The following ABCC3 variants were observed in gnomAD, a reference collection of about 807,000 sequenced individuals.
ABCC3 encodes the protein ATP-binding cassette sub-family C member 3.
A neutral mutation model predicts 165.3 loss-of-function variants in ABCC3; 121 were observed. The ratio of observed to expected loss-of-function variants is 0.73; its 90% CI spans 0.63 to 0.85. The LOEUF is 0.85. Ranked by LOEUF, ABCC3 falls within the 40% of genes least tolerant of loss-of-function variation. ABCC3 has a pLI of 0.00. For missense variants in ABCC3, 1,869 were observed against 1,964.1 expected (o/e 0.95, Z 0.92); for synonymous variants, 733 against 810.1 (o/e 0.90, Z 1.62).
chr17:50,687,892 C>T (rs1968052171), intron 30 of ABCC3, among the ~76,000 whole-genome samples, 162 bp downstream of exon 30: 1 of 152,014 alleles, frequency 6.6e-6, no homozygotes, highest in Non-Finnish European at 1.5e-5. Context: ...AAGGGGCAGA[C>T]CAGAGTGGGG....
In ABCC3 at chr17:50,691,454, C is replaced by G. The variant is rs1425518194; in HGVS notation, c.*254C>G. On this transcript the variant is annotated 3_prime_UTR_variant, in exon 31 of 31. Transcript: ENST00000285238. ...TAGTCCCCGGTCTCCCGATTCCCAA[C>G]TGAGTGTTATTTGCACACTGCACTG... 2.4e-6 allele frequency: 1 copy of G among 413,738 alleles called. No homozygotes were observed. Among genetic ancestry groups the G allele is most frequent in the African/African-American group, 2.0e-5 (1 of 50,176 alleles). 25.6% of individuals were successfully genotyped at this position (413,738 alleles called of 1,614,324 possible). A position where few individuals can be genotyped will look rare whatever the true frequency, so the allele number is the denominator to read the frequency against.
intron 8 of ABCC3, among the ~76,000 whole-genome samples, chr17:50,661,425 C>G (rs934201492): frequency 6.6e-6 from 1 of 152,230 alleles, no homozygotes; most frequent in Non-Finnish European, 1.5e-5. Context: ...GATGAGAAAG[C>G]AGGAACTCAG....
At chr17:50,675,078 G>T (rs1368038469) in intron 19 of ABCC3, among the ~76,000 whole-genome samples, 2 of 152,130 alleles carry the variant, frequency 1.3e-5, no homozygotes, top group African/African-American at 4.8e-5. Flanking sequence ...GATTACAGGC[G>T]TGAGCCACCA....
rs186641537 is a variant in ABCC3, at chr17:50,689,358, T to C, written c.4475+1628T>C. On this transcript the variant is annotated intron_variant, in intron 30 of 30. Coordinates refer to ENST00000285238, the MANE Select transcript of ABCC3 (RefSeq NM_003786.4). The stretch of plus-strand genomic sequence containing the variant: ...CTTGGAGAGGCAGACCACTCCCTCA[T>C]TGTGCCAGATGTCAAAGTGTGGTGC... Among the ~76,000 whole-genome samples, 251 of 152,276 alleles carry C rather than the reference T, an allele frequency of 1.6e-3. 2 individuals carry two copies. Among genetic ancestry groups the C allele is most frequent in the African/African-American group, 5.8e-3 (240 of 41,542 alleles).
At chr17:50,678,602 T>A (rs1967874359) in intron 25 of ABCC3, among the ~76,000 whole-genome samples, 1 of 152,150 alleles carries the variant, frequency 6.6e-6, no homozygotes, top group Non-Finnish European at 1.5e-5. Flanking sequence ...CAGGTCTTTG[T>A]GGCTGGAGAA....
Position 50,661,128 on chromosome 17 carries a change from C to T in ABCC3, c.998+14C>T, listed in dbSNP as rs761515611. On this transcript the variant is annotated intron_variant, in intron 8 of 30. Transcript: ENST00000285238. Reference sequence around the variant, plus strand: ...ACAGCTGCTCAGGTCTCTCCACACTCCGGCTCACTATAGCCCTGCCCTGGG... The same window carrying T: ...ACAGCTGCTCAGGTCTCTCCACACTTCGGCTCACTATAGCCCTGCCCTGGG... 1 of 1,605,248 alleles carries T rather than the reference C, an allele frequency of 6.2e-7. No individual in the cohort carries two copies. Among genetic ancestry groups the T allele is most frequent in the Non-Finnish European group, 8.5e-7 (1 of 1,174,128 alleles).
rs1315375841 is a variant in ABCC3 at position 50,684,705 on chromosome 17, C to T, written c.4114-4C>T. 5 of 1,613,508 alleles carry T rather than the reference C, an allele frequency of 3.1e-6. No individual in the cohort carries two copies. The Admixed American group carries it at 6.7e-5, about 22-fold the overall frequency. The stretch of plus-strand genomic sequence containing the variant: ...CTCCCTCTGAGGCCACGTTGTATCC[C>T]CAGGACCCCATCCTGTTCTCGGGGA... On this transcript the variant is annotated splice_polypyrimidine_tract_variant and splice_region_variant and intron_variant, in intron 28 of 30. Coordinates refer to ENST00000285238, the MANE Select transcript of ABCC3 (RefSeq NM_003786.4).
chr17:50,662,551 C>A (rs936697558), intron 8 of ABCC3, among the ~76,000 whole-genome samples: 1 of 150,816 alleles, frequency 6.6e-6, no homozygotes, highest in Non-Finnish European at 1.5e-5. Flanking sequence ...GGTGGGAAGA[C>A]TGCCTGAGCC....
At chr17:50,668,150 G>C (rs938043372) in intron 13 of ABCC3, 141 bp downstream of exon 13, 6 of 787,856 alleles carry the variant, frequency 7.6e-6, no homozygotes, top group African/African-American at 1.7e-5. Flanking sequence ...AGCTATTCAA[G>C]GTTGAATGAG....
At chr17:50,647,701 T>C (rs578137946) in intron 1 of ABCC3, among the ~76,000 whole-genome samples, 5 of 152,242 alleles carry the variant, frequency 3.3e-5, no homozygotes, top group Admixed American at 6.5e-5. Flanking sequence ...GCCCACACTG[T>C]TGCAGGGAGG....
intron 30 of ABCC3, 90 bp downstream of exon 30, chr17:50,687,820 A>T: frequency 7.5e-7 from 1 of 1,340,398 alleles, no homozygotes; most frequent in Non-Finnish European, 1.0e-6. Flanking sequence ...TATCTGAACA[A>T]GGCAATGTTC....
Position 50,691,077 on chromosome 17 carries a change from CTCTTTTT to C in ABCC3, c.4476-13_4476-7del. On this transcript the variant is annotated splice_region_variant and splice_polypyrimidine_tract_variant and intron_variant, in intron 30 of 30. Transcript: ENST00000285238. ...GGCTGATGGAAACCTGACCACTTCT[CTCTTTTT>C]TGACTAGGGTCCTGGTCCTGGACAA... The C allele has an allele frequency of 6.2e-7, 1 of 1,605,918 alleles. No individual in the cohort carries two copies. The highest frequency in any genetic ancestry group is 2.2e-5 in the East Asian group (1 of 44,852).
chr17:50,676,778 T>A (rs1290767564), intron 23 of ABCC3, among the ~76,000 whole-genome samples, 190 bp downstream of exon 23: 2 of 152,062 alleles, frequency 1.3e-5, no homozygotes, highest in Non-Finnish European at 2.9e-5. Flanking sequence ...GCCTCACCTG[T>A]AAAATAGAAT....
At chr17:50,664,146 C>T in intron 10 of ABCC3, 35 bp downstream of exon 10, 1 of 1,610,890 alleles carries the variant, frequency 6.2e-7, no homozygotes, top group Non-Finnish European at 8.5e-7. Context: ...CCTCCTTCCT[C>T]TGACATGCTG....
At chr17:50,675,333 C>T in intron 19 of ABCC3, 29 bp from the exon 20 acceptor site, 1 of 1,555,070 alleles carries the variant, frequency 6.4e-7, no homozygotes, top group Non-Finnish European at 8.8e-7. Context: ...CTAGCTGAAC[C>T]CTATCTCCTT....
chr17:50,640,290 C>G (rs1334775147), intron 1 of ABCC3, among the ~76,000 whole-genome samples: 1 of 152,222 alleles, frequency 6.6e-6, no homozygotes, highest in Non-Finnish European at 1.5e-5. Context: ...ACAGGAAACA[C>G]TAATCCTGTG....
At position 50,665,235 on chromosome 17, in the gene ABCC3, G is replaced by A. The variant is rs200555604; in HGVS notation, c.1421G>A (p.Arg474His). The change falls in exon 11 of 31, where the codon CGC becomes CAC. Residue 474 changes from arginine (R) to histidine (H), a missense_variant. By Grantham distance (29) the Arg-to-His change is conservative. Coordinates refer to ENST00000285238, the MANE Select transcript of ABCC3 (RefSeq NM_003786.4). ...PLNGAVAVKMRAFQVKQMKLK... is the reference protein window; with the variant it reads ...PLNGAVAVKMHAFQVKQMKLK... Reference sequence around the variant, plus strand: ...AACGGAGCTGTGGCCGTGAAGATGCGCGCCTTCCAGGTAGGTGCTGTCAGA... The same window carrying A: ...AACGGAGCTGTGGCCGTGAAGATGCACGCCTTCCAGGTAGGTGCTGTCAGA... The A allele has an allele frequency of 1.7e-5, 27 of 1,613,988 alleles. No homozygotes were observed. The East Asian group carries it at 2.9e-4, about 17-fold the overall frequency.
At chr17:50,690,786 C>T (rs991515563) in intron 30 of ABCC3, among the ~76,000 whole-genome samples, 2 of 152,238 alleles carry the variant, frequency 1.3e-5, no homozygotes, top group African/African-American at 2.4e-5. Context: ...TGGCTCCCTG[C>T]GCACAGCCTG....
At chr17:50,668,242 C>A (rs948406759) in intron 13 of ABCC3, among the ~76,000 whole-genome samples, 188 bp from the exon 14 acceptor site, 1 of 152,166 alleles carries the variant, frequency 6.6e-6, no homozygotes, top group African/African-American at 2.4e-5. Context: ...ATAGCCTCCT[C>A]TTACCAACCT....
Sources: gnomAD v4.1 joint callset for allele counts (sites outside exome capture counted in the v4.1 genomes callset) on GRCh38, gnomAD v4.1.1 for gene constraint, MANE v1.5 for transcripts, NCBI Gene and HGNC (gene_info 2026-07-23, HGNC 2026-07-21) for gene names.